Variants in RBBP8 observed in about 807,000 individuals in gnomAD.
The protein encoded by RBBP8 is DNA endonuclease RBBP8.
Under a neutral mutation model 108.3 loss-of-function variants are expected in RBBP8, and 88 were observed. The observed-to-expected ratio is 0.81, with a 90% CI of 0.68 to 0.97. The LOEUF (loss-of-function observed/expected upper bound fraction) is 0.97, where lower values mean the gene tolerates loss of function less well. Ranked by LOEUF, RBBP8 falls within the 50% of genes least tolerant of loss-of-function variation. RBBP8 has a pLI of 0.00. For missense variants in RBBP8, 1,023 were observed against 1,049.0 expected (o/e 0.98, Z 0.34); for synonymous variants, 332 against 348.2 (o/e 0.95, Z 0.52).
rs1203840744 is a variant in RBBP8, at chr18:23,022,643, A to AAATAAAATAAAATAAAATAAATAC, written c.2596+377_2596+378insAAATAAAATAAAATAAATACAATA. Among the ~76,000 whole-genome samples the AAATAAAATAAAATAAAATAAATAC allele has an allele frequency of 1.0e-4, 6 of 57,632 alleles. 1 individual carries two copies. Among genetic ancestry groups the AAATAAAATAAAATAAAATAAATAC allele is most frequent in the Admixed American group, 8.8e-4 (5 of 5,688 alleles). 37.8% of individuals were successfully genotyped at this position (57,632 alleles called of 152,430 possible). On this transcript the variant is annotated intron_variant, in intron 18 of 18. Transcript: ENST00000327155. ...AAAATAAAATAAAATAAAATAAATA[A>AAATAAAATAAAATAAAATAAATAC]AATACAATATAAAATAAAATAAAAT...
At chr18:22,977,512 C>T (rs1486402595) in intron 6 of RBBP8, among the ~76,000 whole-genome samples, 3 of 151,944 alleles carry the variant, frequency 2.0e-5, no homozygotes, top group East Asian at 1.9e-4. Flanking sequence ...TCATTCTTTT[C>T]GTTTTAGAAA....
At chr18:22,942,866 C>A (rs1027470565) in intron 2 of RBBP8, among the ~76,000 whole-genome samples, 2 of 151,966 alleles carry the variant, frequency 1.3e-5, no homozygotes, top group African/African-American at 4.8e-5. Flanking sequence ...AATAAATGAT[C>A]TTTTGCCTAT....
chr18:23,018,213 A>G (rs1164589224), intron 17 of RBBP8, among the ~76,000 whole-genome samples: 1 of 151,630 alleles, frequency 6.6e-6, no homozygotes, highest in Non-Finnish European at 1.5e-5. Context: ...ATGCGCCACC[A>G]TGCCCGGCTA....
chr18:23,023,570 A>G (rs1018127211), intron 18 of RBBP8, among the ~76,000 whole-genome samples: 5 of 152,196 alleles, frequency 3.3e-5, no homozygotes, highest in East Asian at 1.9e-4. Flanking sequence ...TTAGTTGGGT[A>G]TGTGATCTGA....
intron 2 of RBBP8, among the ~76,000 whole-genome samples, chr18:22,946,104 A>G (rs1911535682): frequency 6.6e-6 from 1 of 152,382 alleles, no homozygotes; most frequent in Admixed American, 6.5e-5. Context: ...ATTTGTGCCT[A>G]CATAAACACC....
intron 2 of RBBP8, 169 bp from the exon 3 acceptor site, chr18:22,946,275 C>T: frequency 1.3e-6 from 1 of 761,842 alleles, no homozygotes; most frequent in South Asian, 2.0e-5. Flanking sequence ...AAAAGCAATA[C>T]ATTGCAGATA....
In RBBP8 at chr18:22,949,660, G is replaced by C. The variant is rs1911860161; in HGVS notation, c.195G>C (p.Gln65His). 1.2e-6 allele frequency: 2 copies of C among 1,613,574 alleles called. No homozygotes were observed. Among genetic ancestry groups the C allele is most frequent in the Non-Finnish European group, 1.7e-6 (2 of 1,179,722 alleles). ...RLEEFFTKNQQLREQQKVLHE... is the reference protein window; with the variant it reads ...RLEEFFTKNQHLREQQKVLHE... Reference sequence around the variant, plus strand: ...AAGAATTCTTCACCAAAAATCAACAGCTGAGGGAACAGCAGAAAGTCCTTC... The same window carrying C: ...AAGAATTCTTCACCAAAAATCAACACCTGAGGGAACAGCAGAAAGTCCTTC... The change falls in exon 4 of 19, where the codon CAG becomes CAC. Residue 65 changes from glutamine to histidine, a missense_variant. Transcript: ENST00000327155.
intron 7 of RBBP8, among the ~76,000 whole-genome samples, chr18:22,983,061 G>C (rs1309100864): frequency 6.6e-6 from 1 of 152,184 alleles, no homozygotes; most frequent in East Asian, 1.9e-4. Context: ...TGTACACTTT[G>C]TGGCTTTTCA....
intron 6 of RBBP8, among the ~76,000 whole-genome samples, chr18:22,981,643 A>C (rs1460065298): frequency 2.6e-5 from 4 of 152,230 alleles, no homozygotes; most frequent in Non-Finnish European, 4.4e-5. Flanking sequence ...TAATTCTACT[A>C]CCATGATGTT....
At chr18:22,972,575 G>A (rs905834139) in intron 5 of RBBP8, among the ~76,000 whole-genome samples, 4 of 151,808 alleles carry the variant, frequency 2.6e-5, no homozygotes, top group South Asian at 4.1e-4. Flanking sequence ...GACCACGCCC[G>A]ACTAATTTTT....
At chr18:23,007,897 C>T (rs1428771416) in intron 16 of RBBP8, among the ~76,000 whole-genome samples, 1 of 151,536 alleles carries the variant, frequency 6.6e-6, no homozygotes, top group East Asian at 2.0e-4. Flanking sequence ...ACTGCAACCT[C>T]TGCCTCCTGG....
At chr18:22,936,245 G>A (rs1910570681) in intron 1 of RBBP8, among the ~76,000 whole-genome samples, 1 of 152,192 alleles carries the variant, frequency 6.6e-6, no homozygotes, top group South Asian at 2.1e-4. Flanking sequence ...GGGGCCACAG[G>A]CACGCACTAC....
chr18:22,932,839 C>G (rs1225316941), upstream of RBBP8, among the ~76,000 whole-genome samples: 3 of 152,210 alleles, frequency 2.0e-5, no homozygotes, highest in Non-Finnish European at 4.4e-5. Context: ...TTCAAATTTG[C>G]CAGAAACTTC....
chr18:23,017,341 G>A lies in RBBP8; in HGVS notation c.2454+417G>A, dbSNP rs1340118178. Among the ~76,000 whole-genome samples the A allele has an allele frequency of 2.2e-5, 3 of 137,930 alleles. No individual in the cohort carries two copies. In the Admixed American group the frequency reaches 2.3e-4, roughly 10 times the overall value. The allele number at this position is 137,930 out of a possible 152,430, so 90.5% of individuals were successfully genotyped here. A position where few individuals can be genotyped will look rare whatever the true frequency, so the allele number is the denominator to read the frequency against. Reference sequence around the variant, plus strand: ...TTGCGCTCCAGCCTGGGCAACAAGAGTGAAACTTGGTCTCAAAAAAAAAAA... The same window carrying A: ...TTGCGCTCCAGCCTGGGCAACAAGAATGAAACTTGGTCTCAAAAAAAAAAA... On this transcript the variant is annotated intron_variant, in intron 17 of 18. Coordinates refer to ENST00000327155, the MANE Select transcript of RBBP8 (RefSeq NM_002894.3).
In RBBP8 at chr18:22,997,680, G is replaced by A; in HGVS notation, c.2089G>A (p.Glu697Lys). 1 of 1,610,534 alleles carries A rather than the reference G, an allele frequency of 6.2e-7. No individual in the cohort carries two copies. The highest frequency in any genetic ancestry group is 1.1e-5 in the South Asian group (1 of 90,446). The change falls in exon 14 of 19, where the codon GAA becomes AAA. Residue 697 changes from glutamate to lysine, a missense_variant. Coordinates refer to ENST00000327155, the MANE Select transcript of RBBP8 (RefSeq NM_002894.3). ...TVDMDCTLVS[E>K]TVLLKMKKQE... ...GGACATGGACTGTACATTGGTTAGT[G>A]AAACCGTTCTCTTAAAAATGAAGAA...
At chr18:22,993,989 A>C in intron 12 of RBBP8, 142 bp downstream of exon 12, 21 of 680,918 alleles carry the variant, frequency 3.1e-5, no homozygotes, top group Non-Finnish European at 4.4e-5. Flanking sequence ...GACGATTCTC[A>C]CATTTTACCG....
At chr18:23,025,934 G>A (rs560251997) in intron 18 of RBBP8, among the ~76,000 whole-genome samples, 50 of 152,340 alleles carry the variant, frequency 3.3e-4, no homozygotes, top group African/African-American at 9.9e-4. Context: ...GATGATATAT[G>A]TAACCATTTG....
chr18:23,021,775 G>T (rs1437145892), intron 17 of RBBP8, among the ~76,000 whole-genome samples: 1 of 149,774 alleles, frequency 6.7e-6, no homozygotes, highest in Non-Finnish European at 1.5e-5. Context: ...TTGTACCAGT[G>T]TATAAATCAG....
intron 2 of RBBP8, among the ~76,000 whole-genome samples, chr18:22,939,646 G>A (rs1220841998): frequency 3.3e-5 from 5 of 152,136 alleles, no homozygotes; most frequent in African/African-American, 1.2e-4. Flanking sequence ...TCAAGCCCCA[G>A]TGTTCATGGA....
Sources: gnomAD v4.1 joint callset for allele counts (sites outside exome capture counted in the v4.1 genomes callset) on GRCh38, gnomAD v4.1.1 for gene constraint, MANE v1.5 for transcripts, NCBI Gene and HGNC (gene_info 2026-07-23, HGNC 2026-07-21) for gene names.